CRYBG1: variants seen among roughly 807,000 people sequenced by gnomAD.
CRYBG1 encodes the protein beta/gamma crystallin domain-containing protein 1.
CRYBG1 carries 139 observed loss-of-function variants against 189.2 expected under a neutral mutation model. That is an observed-to-expected ratio of 0.73 (90% CI 0.64 to 0.85). The LOEUF (loss-of-function observed/expected upper bound fraction) is 0.85, where lower values mean the gene tolerates loss of function less well. Ranked by LOEUF, CRYBG1 falls within the 40% of genes least tolerant of loss-of-function variation. The pLI is 0.00. For missense variants in CRYBG1, 2,611 were observed against 2,675.8 expected, an observed-to-expected ratio of 0.98 and a Z score of 0.53; for synonymous variants, 1,023 against 1,017.1, an observed-to-expected ratio of 1.01 and a Z score of -0.11.
intron 2 of CRYBG1, among the ~76,000 whole-genome samples, chr6:106,468,251 G>C (rs1329840051): frequency 1.3e-5 from 2 of 152,192 alleles, no homozygotes; most frequent in Non-Finnish European, 2.9e-5. Flanking sequence ...ACTGGAGCAG[G>C]AGCCTGAGCT....
In CRYBG1 at chr6:106,543,583, A is replaced by G. The variant is rs746722664; in HGVS notation, c.5025A>G (p.Lys1675=). ...HLPFTSVGSM[K]VLRGIWVAYE... Reference sequence around the variant, plus strand: ...CGTTTACGTCAGTGGGGTCTATGAAAGTTCTAAGAGGCATGTAAGTACATG... The same window carrying G: ...CGTTTACGTCAGTGGGGTCTATGAAGGTTCTAAGAGGCATGTAAGTACATG... The change falls in exon 11 of 22, where the codon AAA becomes AAG. Residue 1675 remains lysine (K), a synonymous_variant. Coordinates refer to ENST00000633556, the MANE Select transcript of CRYBG1 (RefSeq NM_001371242.2). 39 of 1,613,668 alleles carry G rather than the reference A, an allele frequency of 2.4e-5. No individual in the cohort carries two copies. Among genetic ancestry groups the G allele is most frequent in the Non-Finnish European group, 3.1e-5 (36 of 1,179,826 alleles).
At chr6:106,467,271 T>G (rs1772132519) in intron 2 of CRYBG1, among the ~76,000 whole-genome samples, 2 of 152,130 alleles carry the variant, frequency 1.3e-5, no homozygotes, top group African/African-American at 4.8e-5. Context: ...GAGACCAGCA[T>G]GAGCAACATG....
chr6:106,471,938 A>G (rs764922181), intron 2 of CRYBG1, among the ~76,000 whole-genome samples: 19 of 152,222 alleles, frequency 1.2e-4, no homozygotes, highest in Non-Finnish European at 4.4e-5. Context: ...AATAGTAACT[A>G]TGGAAACATT....
intron 1 of CRYBG1, among the ~76,000 whole-genome samples, chr6:106,444,315 A>T (rs1045784321): frequency 1.3e-5 from 2 of 152,214 alleles, no homozygotes; most frequent in Admixed American, 6.5e-5. Flanking sequence ...ACTCTTATAA[A>T]GAGAAGCTGA....
chr6:106,504,368 G>T (rs114485409), intron 2 of CRYBG1, among the ~76,000 whole-genome samples: 1 of 152,286 alleles, frequency 6.6e-6, no homozygotes, highest in African/African-American at 2.4e-5. Flanking sequence ...CTACCAGACA[G>T]TGTTACAGTC....
intron 2 of CRYBG1, among the ~76,000 whole-genome samples, chr6:106,482,104 G>A (rs1772475588): frequency 6.6e-6 from 1 of 152,112 alleles, no homozygotes; most frequent in African/African-American, 2.4e-5. Context: ...GGTGTCAGCT[G>A]GGGCTGCAGT....
intron 1 of CRYBG1, among the ~76,000 whole-genome samples, chr6:106,438,093 AG>A (rs1326202165): frequency 6.6e-6 from 1 of 152,156 alleles, no homozygotes; most frequent in Non-Finnish European, 1.5e-5. Context: ...TTCCTTCCAC[AG>A]GGCTTAGTAG....
chr6:106,410,557 A>G (rs1770910125), intron 1 of CRYBG1, among the ~76,000 whole-genome samples: 2 of 152,246 alleles, frequency 1.3e-5, no homozygotes, highest in South Asian at 2.1e-4. Context: ...TCATTTTACT[A>G]TAAAGACACA....
intron 8 of CRYBG1, among the ~76,000 whole-genome samples, chr6:106,532,949 T>A (rs1304982426): frequency 1.3e-5 from 2 of 152,206 alleles, no homozygotes; most frequent in Non-Finnish European, 2.9e-5. Context: ...TAATCAAGCA[T>A]CTACCATGTG....
chr6:106,430,504 G>A (rs770088960), intron 1 of CRYBG1, among the ~76,000 whole-genome samples: 7 of 152,200 alleles, frequency 4.6e-5, no homozygotes, highest in African/African-American at 9.6e-5. Flanking sequence ...CACATTTGGC[G>A]AACTAAAATA....
rs139304931 is a variant in CRYBG1 at position 106,500,636 on chromosome 6, C to T, written c.313-10794C>T. 6.4e-3 allele frequency among the ~76,000 whole-genome samples: 968 copies of T among 152,232 alleles called. 6 individuals carry two copies. Among genetic ancestry groups the T allele is most frequent in the Middle Eastern group, 0.037 (11 of 294 alleles). The stretch of plus-strand genomic sequence containing the variant: ...AGATTTTCTCTTTACTCTTTTGTTT[C>T]CCTTCCTGTGCAGAAGCTTTTTAGT... On this transcript the variant is annotated intron_variant, in intron 2 of 21. Transcript: ENST00000633556.
chr6:106,541,211 T>A, intron 9 of CRYBG1: 2 of 480,702 alleles, frequency 4.2e-6, no homozygotes, highest in Non-Finnish European at 8.6e-6. Flanking sequence ...GAGGGCAGGA[T>A]CGTTAAATGC....
intron 2 of CRYBG1, among the ~76,000 whole-genome samples, chr6:106,481,680 C>T (rs1343614256): frequency 6.6e-6 from 1 of 152,164 alleles, no homozygotes; most frequent in Non-Finnish European, 1.5e-5. Context: ...AAAGGGAAGT[C>T]CTGGCAGGAG....
intron 2 of CRYBG1, among the ~76,000 whole-genome samples, chr6:106,462,240 G>C (rs1029217929): frequency 6.6e-6 from 1 of 151,994 alleles, no homozygotes; most frequent in Non-Finnish European, 1.5e-5. Flanking sequence ...GCGCTATCTC[G>C]GCTCACTGCA....
chr6:106,520,046 AAGTGAGTGTCCATCC>A lies in CRYBG1; in HGVS notation c.2841_2855del (p.Ser947_Ser951del), dbSNP rs745747256. The stretch of plus-strand genomic sequence containing the variant: ...CAGAGCGTAGTCCAGAAGCTGTGGG[AAGTGAGTGTCCATCC>A]AGAGTCCTCGTCCAGGTCAGGTCCT... On this transcript the variant is annotated inframe_deletion, in exon 4 of 22. Transcript: ENST00000633556. The A allele has an allele frequency of 1.2e-5, 19 of 1,614,064 alleles. No homozygotes were observed. The highest frequency in any genetic ancestry group is 1.6e-4 in the Middle Eastern group (1 of 6,084).
chr6:106,411,824 C>T (rs1269874281), intron 1 of CRYBG1, among the ~76,000 whole-genome samples: 1 of 152,148 alleles, frequency 6.6e-6, no homozygotes, highest in Non-Finnish European at 1.5e-5. Flanking sequence ...TCCCAGAGTA[C>T]AAAGTCTGAA....
chr6:106,363,037 A>G lies in CRYBG1; in HGVS notation c.173+1956A>G, dbSNP rs372991608. On this transcript the variant is annotated intron_variant, in intron 1 of 21. Transcript: ENST00000633556. ...GAGACGGGCGGATCACGAGGTCAGG[A>G]GATCGAGACCATCCTGGCTAACACG... Among the ~76,000 whole-genome samples, 1,445 of 151,800 alleles carry G rather than the reference A, an allele frequency of 9.5e-3. 26 individuals carry two copies. Among genetic ancestry groups the G allele is most frequent in the African/African-American group, 0.033 (1,347 of 41,370 alleles).
At position 106,511,877 on chromosome 6, in the gene CRYBG1, C is replaced by T; in HGVS notation, c.760C>T (p.Gln254Ter). 6 of 1,519,834 alleles carry T rather than the reference C, an allele frequency of 3.9e-6. No individual in the cohort carries two copies. The highest frequency in any genetic ancestry group is 5.3e-6 in the Non-Finnish European group (6 of 1,136,466). The allele number at this position is 1,519,834 out of a possible 1,614,324, so 94.1% of individuals were successfully genotyped here. ...CCCAGATGCCACCACCACTGCCAAG[C>T]AGCTGCATTCCTCGCCGGGAAATTC... is the stretch of plus-strand genomic sequence containing the variant. The part of the protein sequence containing the change: ...PFPDATTTAK[Q>*]LHSSPGNSSR... The change falls in exon 3 of 22, where the codon CAG (glutamine) becomes TAG (stop). Residue 254 changes from glutamine (Q) to a stop codon, truncating the protein, a stop_gained. Transcript: ENST00000633556. LOFTEE classifies it high-confidence loss of function.
At chr6:106,377,164 G>A (rs1359327665) in intron 1 of CRYBG1, among the ~76,000 whole-genome samples, 1 of 152,022 alleles carries the variant, frequency 6.6e-6, no homozygotes, top group Non-Finnish European at 1.5e-5. Context: ...TTTCCCTTCT[G>A]CTTTTCCTCC....
Sources: allele counts gnomAD v4.1 joint callset (sites outside exome capture counted in the v4.1 genomes callset), GRCh38; gene constraint gnomAD v4.1.1; transcripts MANE v1.5; gene names NCBI Gene and HGNC (gene_info 2026-07-23, HGNC 2026-07-21).